The following ADGRL2 variants were observed in gnomAD, a reference collection of about 807,000 sequenced individuals.
ADGRL2 encodes the protein calcium-independent alpha-latrotoxin receptor 2.
ADGRL2 carries 44 observed loss-of-function variants against 157.4 expected under a neutral mutation model. The ratio of observed to expected loss-of-function variants is 0.28; its 90% confidence interval spans 0.22 to 0.36. ADGRL2 has a LOEUF of 0.36. Ranked by LOEUF, ADGRL2 falls within the 10% of genes least tolerant of loss-of-function variation. The pLI, the probability that ADGRL2 is intolerant of heterozygous loss-of-function variation, is 1.00. For missense variants in ADGRL2, 1,510 were observed against 1,768.9 expected, an observed-to-expected ratio of 0.85 and a Z score of 2.63; for synonymous variants, 585 against 624.7, an observed-to-expected ratio of 0.94 and a Z score of 0.95.
intron 1 of ADGRL2, among the ~76,000 whole-genome samples, chr1:81,337,283 G>A (rs569441557): frequency 4.6e-5 from 7 of 152,318 alleles, no homozygotes; most frequent in African/African-American, 1.4e-4. Context: ...GACATTCACG[G>A]ATGACAAAGC....
chr1:81,806,489 C>G (rs1031075617), intron 1 of ADGRL2, among the ~76,000 whole-genome samples: 3 of 151,882 alleles, frequency 2.0e-5, no homozygotes, highest in Non-Finnish European at 4.4e-5. Context: ...TTCTGTGTTT[C>G]ATTAAATTTA....
intron 1 of ADGRL2, among the ~76,000 whole-genome samples, chr1:81,332,762 A>T (rs1207708881): frequency 6.6e-6 from 1 of 152,258 alleles, no homozygotes; most frequent in African/African-American, 2.4e-5. Flanking sequence ...CTCCAGTAAT[A>T]CATCAAAGCA....
intron 3 of ADGRL2, among the ~76,000 whole-genome samples, chr1:81,599,992 T>C (rs956468844): frequency 6.6e-6 from 1 of 152,254 alleles, no homozygotes; most frequent in Non-Finnish European, 1.5e-5. Context: ...CTAAGAAGTA[T>C]GTGTATCAAA....
intron 1 of ADGRL2, among the ~76,000 whole-genome samples, chr1:81,317,035 C>T (rs1660153165): frequency 6.6e-6 from 1 of 152,032 alleles, no homozygotes; most frequent in African/African-American, 2.4e-5. Flanking sequence ...CAGTGATTCT[C>T]AACTAGGGAT....
chr1:81,552,361 C>T lies in ADGRL2; in HGVS notation c.-247-28515C>T, dbSNP rs143877986. The stretch of plus-strand genomic sequence containing the variant: ...ATTTTCATCTGGGATCCATTGGTCC[C>T]GAGCACAGTTAGACCTGGATGACCT... On this transcript the variant is annotated intron_variant, in intron 2 of 24. Transcript: ENST00000370721. Among the ~76,000 whole-genome samples, 109 of 152,098 alleles carry T rather than the reference C, an allele frequency of 7.2e-4. No homozygotes were observed. The East Asian group carries it at 0.019, about 27-fold the overall frequency.
chr1:81,330,160 T>C (rs987823771), intron 1 of ADGRL2, among the ~76,000 whole-genome samples: 2 of 152,168 alleles, frequency 1.3e-5, no homozygotes, highest in Non-Finnish European at 2.9e-5. Context: ...TTCCTCACCA[T>C]GGTTAGCATC....
At chr1:81,947,723 A>G (rs1650341303) in intron 6 of ADGRL2, among the ~76,000 whole-genome samples, 2 of 152,166 alleles carry the variant, frequency 1.3e-5, no homozygotes, top group African/African-American at 4.8e-5. Context: ...TCTAGCCTTC[A>G]CATGAGGAAA....
At chr1:81,701,971 A>C (rs1260309020) in intron 1 of ADGRL2, among the ~76,000 whole-genome samples, 1 of 152,184 alleles carries the variant, frequency 6.6e-6, no homozygotes, top group Non-Finnish European at 1.5e-5. Flanking sequence ...CCATAAATAC[A>C]GTTTTCATGG....
intron 2 of ADGRL2, among the ~76,000 whole-genome samples, chr1:81,466,014 T>C (rs937959963): frequency 6.6e-6 from 1 of 152,156 alleles, no homozygotes; most frequent in African/African-American, 2.4e-5. Flanking sequence ...ATATGAAAGG[T>C]ACTATAAATG....
At chr1:81,427,947 G>A (rs181775639) in intron 1 of ADGRL2, among the ~76,000 whole-genome samples, 14 of 151,984 alleles carry the variant, frequency 9.2e-5, no homozygotes, top group East Asian at 3.9e-4. Context: ...TGTAAATTGC[G>A]GTGGTGGTAA....
chr1:81,386,967 T>A (rs775212559), intron 1 of ADGRL2, among the ~76,000 whole-genome samples: 1 of 152,196 alleles, frequency 6.6e-6, no homozygotes, highest in Non-Finnish European at 1.5e-5. Context: ...TGAGGAAAAC[T>A]GAGACCAGGC....
intron 1 of ADGRL2, among the ~76,000 whole-genome samples, chr1:81,732,353 A>C (rs943783196): frequency 6.6e-5 from 10 of 152,182 alleles, no homozygotes; most frequent in Admixed American, 6.5e-4. Context: ...GCTTGAGAGA[A>C]CTACATATGC....
At chr1:81,674,053 T>C (rs2082933382) in intron 3 of ADGRL2, among the ~76,000 whole-genome samples, 1 of 152,158 alleles carries the variant, frequency 6.6e-6, no homozygotes, top group Non-Finnish European at 1.5e-5. Flanking sequence ...ATTTAACACT[T>C]GAATGCAATT....
intron 1 of ADGRL2, among the ~76,000 whole-genome samples, chr1:81,386,858 G>A (rs2076445556): frequency 6.6e-6 from 1 of 151,956 alleles, no homozygotes; most frequent in African/African-American, 2.4e-5. Context: ...TCACACAGGA[G>A]AAGCCTCAGT....
intron 1 of ADGRL2, among the ~76,000 whole-genome samples, chr1:81,373,357 G>A (rs2076192995): frequency 1.3e-5 from 2 of 152,046 alleles, no homozygotes; most frequent in Admixed American, 6.6e-5. Flanking sequence ...AACCTGGACT[G>A]GAAATGTCAA....
chr1:81,550,656 C>T (rs958809958), intron 2 of ADGRL2, among the ~76,000 whole-genome samples: 3 of 152,160 alleles, frequency 2.0e-5, no homozygotes, highest in Admixed American at 1.3e-4. Context: ...GCAGTCCTGT[C>T]GTCTGCCTGA....
chr1:81,706,858 G>A (rs983651381), intron 1 of ADGRL2, among the ~76,000 whole-genome samples: 1 of 152,080 alleles, frequency 6.6e-6, no homozygotes, highest in Non-Finnish European at 1.5e-5. Context: ...ATGACTTTCA[G>A]GAGAGAAATT....
chr1:81,601,009 C>T (rs1477481399), intron 3 of ADGRL2, among the ~76,000 whole-genome samples: 2 of 152,158 alleles, frequency 1.3e-5, no homozygotes, highest in Non-Finnish European at 2.9e-5. Context: ...CTGATCGACA[C>T]TCAAGTAATG....
At chr1:81,901,450 T>C (rs2094484793) in intron 2 of ADGRL2, among the ~76,000 whole-genome samples, 1 of 152,098 alleles carries the variant, frequency 6.6e-6, no homozygotes, top group Non-Finnish European at 1.5e-5. Flanking sequence ...GACCCAGAGA[T>C]TGTGATTCAG....
Sources: gnomAD v4.1 joint callset for allele counts (sites outside exome capture counted in the v4.1 genomes callset) on GRCh38, gnomAD v4.1.1 for gene constraint, MANE v1.5 for transcripts, NCBI Gene and HGNC (gene_info 2026-07-23, HGNC 2026-07-21) for gene names.